Variants in PIBF1 observed in about 807,000 individuals in gnomAD.
PIBF1 encodes progesterone-induced-blocking factor 1.
Under a neutral mutation model 112.5 loss-of-function variants are expected in PIBF1, and 90 were observed. The observed-to-expected ratio is 0.80, with a 90% confidence interval of 0.67 to 0.95. The LOEUF (loss-of-function observed/expected upper bound fraction) is 0.95, where lower values mean the gene tolerates loss of function less well. Ranked by LOEUF, PIBF1 falls within the 40% of genes least tolerant of loss-of-function variation. The pLI is 0.00. For missense variants in PIBF1, 915 were observed against 852.3 expected, an observed-to-expected ratio of 1.07 and a Z score of -0.92; for synonymous variants, 301 against 288.6, an observed-to-expected ratio of 1.04 and a Z score of -0.44.
chr13:72,851,920 T>A (rs895781194), intron 9 of PIBF1, among the ~76,000 whole-genome samples: 1 of 152,122 alleles, frequency 6.6e-6, no homozygotes, highest in African/African-American at 2.4e-5. Flanking sequence ...CTACCCACTG[T>A]GGGTCTCCTC....
At position 72,893,718 on chromosome 13, in the gene PIBF1, T is replaced by A. The variant is rs199776415; in HGVS notation, c.1323-66T>A. 27 of 1,015,144 alleles carry A rather than the reference T, an allele frequency of 2.7e-5. No homozygotes were observed. The East Asian group carries it at 7.5e-4, about 28-fold the overall frequency. 62.9% of individuals were successfully genotyped at this position (1,015,144 alleles called of 1,614,324 possible). On this transcript the variant is annotated intron_variant, in intron 10 of 17. Coordinates refer to ENST00000326291, the MANE Select transcript of PIBF1 (RefSeq NM_006346.4). Reference sequence around the variant, plus strand: ...GGGAGTAGAAAACATAGAAGTAAGGTTTATGATTACTTAAATCATTGAGAC... The same window carrying A: ...GGGAGTAGAAAACATAGAAGTAAGGATTATGATTACTTAAATCATTGAGAC...
At chr13:72,834,437 C>A (rs559185432) in intron 8 of PIBF1, among the ~76,000 whole-genome samples, 115 of 152,152 alleles carry the variant, frequency 7.6e-4, no homozygotes, top group Non-Finnish European at 1.2e-3. Flanking sequence ...CCAGCCTGGG[C>A]AACATCGAAA....
chr13:72,920,561 T>C (rs1301209118), intron 13 of PIBF1, among the ~76,000 whole-genome samples: 1 of 152,214 alleles, frequency 6.6e-6, no homozygotes, highest in Non-Finnish European at 1.5e-5. Context: ...GCGCTCTTTT[T>C]ATGTTTATTT....
chr13:72,797,897 T>C lies in PIBF1; in HGVS notation c.553-10T>C, dbSNP rs1180097453. 1 of 1,576,246 alleles carries C rather than the reference T, an allele frequency of 6.3e-7. No homozygotes were observed. The highest frequency in any genetic ancestry group is 1.4e-5 in the African/African-American group (1 of 72,544). ...ATTTAAGACTGCTTATTAATTTAAT[T>C]TTTTTCAAGGTTCGCTTCTATGAGC... On this transcript the variant is annotated splice_polypyrimidine_tract_variant and intron_variant, in intron 4 of 17. Coordinates refer to ENST00000326291, the MANE Select transcript of PIBF1 (RefSeq NM_006346.4).
intron 5 of PIBF1, among the ~76,000 whole-genome samples, chr13:72,800,167 C>G (rs1232653118): frequency 6.6e-6 from 1 of 152,164 alleles, no homozygotes; most frequent in Non-Finnish European, 1.5e-5. Context: ...TCCCCAGTAG[C>G]TGGGCTTACA....
At chr13:72,894,057 C>CAAAAAAAAAAAAAAAAAAAAAAAAA (rs66856837) in intron 11 of PIBF1, 108 bp downstream of exon 11, 2 of 82,688 alleles carry the variant, frequency 2.4e-5, no homozygotes, top group Non-Finnish European at 4.5e-5. Flanking sequence ...CTATCCTGCA[C>CAAAAAAAAAAAAAAAAAAAAAAAAA]AAAAAAAAAA....
intron 10 of PIBF1, among the ~76,000 whole-genome samples, chr13:72,884,019 G>A (rs1241349557): frequency 1.3e-5 from 2 of 152,144 alleles, no homozygotes; most frequent in East Asian, 3.8e-4. Flanking sequence ...AATCCTTGAA[G>A]TAATGGATAC....
intron 17 of PIBF1, among the ~76,000 whole-genome samples, chr13:73,010,188 T>G (rs914504392): frequency 6.6e-6 from 1 of 151,880 alleles, no homozygotes; most frequent in Non-Finnish European, 1.5e-5. Context: ...AAAACAGAAC[T>G]TACCCCCACT....
intron 10 of PIBF1, among the ~76,000 whole-genome samples, chr13:72,856,895 A>T (rs1594063409): frequency 6.6e-6 from 1 of 152,184 alleles, no homozygotes; most frequent in African/African-American, 2.4e-5. Flanking sequence ...TTTCACAATT[A>T]TTATGCCCAT....
chr13:72,937,377 T>A (rs991459545), intron 14 of PIBF1, among the ~76,000 whole-genome samples: 1 of 152,194 alleles, frequency 6.6e-6, no homozygotes, highest in Admixed American at 6.5e-5. Flanking sequence ...ACCATGTAGC[T>A]CCAAGTGATA....
At chr13:72,917,359 G>T (rs2041139091) in intron 13 of PIBF1, among the ~76,000 whole-genome samples, 193 bp downstream of exon 13, 1 of 151,794 alleles carries the variant, frequency 6.6e-6, no homozygotes, top group African/African-American at 2.4e-5. Context: ...GTGGTTTGTA[G>T]AAGTGTGCAT....
Position 72,795,355 on chromosome 13 carries a change from G to A in PIBF1, c.354-4G>A, listed in dbSNP as rs2035139138. 1 of 1,552,264 alleles carries A rather than the reference G, an allele frequency of 6.4e-7. No homozygotes were observed. Among genetic ancestry groups the A allele is most frequent in the Non-Finnish European group, 8.8e-7 (1 of 1,136,758 alleles). ...AGCCTGCCATAAATTCTCTTCTAAT[G>A]TAGCAAATATCAAGAATTAATGAAA... On this transcript the variant is annotated splice_polypyrimidine_tract_variant and splice_region_variant and intron_variant, in intron 3 of 17. Coordinates refer to ENST00000326291, the MANE Select transcript of PIBF1 (RefSeq NM_006346.4).
At chr13:72,848,945 G>A (rs1442152536) in intron 9 of PIBF1, among the ~76,000 whole-genome samples, 2 of 152,048 alleles carry the variant, frequency 1.3e-5, no homozygotes, top group Non-Finnish European at 2.9e-5. Flanking sequence ...TGTTTCTTTG[G>A]CATAATTTTT....
chr13:73,003,110 C>G (rs2043925298), intron 17 of PIBF1, among the ~76,000 whole-genome samples: 1 of 151,226 alleles, frequency 6.6e-6, no homozygotes, highest in African/African-American at 2.4e-5. Flanking sequence ...TAGTTCAGGC[C>G]TTGACTTACA....
At chr13:72,907,680 C>A (rs1403294756) in intron 11 of PIBF1, among the ~76,000 whole-genome samples, 1 of 152,062 alleles carries the variant, frequency 6.6e-6, no homozygotes, top group Non-Finnish European at 1.5e-5. Flanking sequence ...CCATATTCTT[C>A]ACTGTAGTAG....
At chr13:72,922,115 C>T (rs2041317763) in intron 13 of PIBF1, among the ~76,000 whole-genome samples, 1 of 152,034 alleles carries the variant, frequency 6.6e-6, no homozygotes, top group Non-Finnish European at 1.5e-5. Flanking sequence ...AGTAGCTAGG[C>T]ATGCACGCTG....
intron 10 of PIBF1, among the ~76,000 whole-genome samples, chr13:72,888,007 C>T (rs2039923567): frequency 1.3e-5 from 2 of 152,158 alleles, no homozygotes; most frequent in Admixed American, 1.3e-4. Flanking sequence ...AGTTATTTTA[C>T]AGCACAGTTC....
chr13:72,842,934 G>A (rs935713326), intron 9 of PIBF1, among the ~76,000 whole-genome samples: 2 of 152,052 alleles, frequency 1.3e-5, no homozygotes, highest in African/African-American at 4.8e-5. Flanking sequence ...TGTGTTCACT[G>A]CTTCATTAAT....
chr13:72,973,876 G>A, intron 16 of PIBF1: 2 of 495,042 alleles, frequency 4.0e-6, no homozygotes, highest in Non-Finnish European at 3.6e-6. Context: ...ACCCCTTCTT[G>A]TTGTGTTGAT....
Sources: allele counts gnomAD v4.1 joint callset (sites outside exome capture counted in the v4.1 genomes callset), GRCh38; gene constraint gnomAD v4.1.1; transcripts MANE v1.5; gene names NCBI Gene and HGNC (gene_info 2026-07-23, HGNC 2026-07-21).